RASSF1: variants seen among roughly 807,000 people sequenced by gnomAD.
RASSF1 encodes the protein ras association domain-containing protein 1.
Under a neutral mutation model 34.3 loss-of-function variants are expected in RASSF1, and 33 were observed. The observed-to-expected ratio is 0.96, with a 90% CI of 0.73 to 1.29. The LOEUF (loss-of-function observed/expected upper bound fraction) is 1.29. Ranked by LOEUF, RASSF1 falls within the 50% of genes most tolerant of loss-of-function variation. RASSF1 has a pLI of 0.00. For synonymous variants in RASSF1, 191 were observed against 195.0 expected (o/e 0.98, Z 0.17); for missense variants, 445 against 471.8 (o/e 0.94, Z 0.53).
At chr3:50,337,154 G>C (rs1290255407) in intron 2 of RASSF1, 2 of 1,595,700 alleles carry the variant, frequency 1.3e-6, no homozygotes, top group African/African-American at 1.3e-5. Context: ...CCCGCCCGCC[G>C]GCACCCCCTG....
intron 2 of RASSF1, chr3:50,337,557 C>T: frequency 6.9e-7 from 1 of 1,449,212 alleles, no homozygotes; most frequent in Non-Finnish European, 9.3e-7. Flanking sequence ...TCCGGAGCTC[C>T]ACTCACAGAC....
rs758727705 is a variant in RASSF1 at position 50,331,719 on chromosome 3, G to A, written c.600C>T (p.Arg200=). The part of the protein sequence containing the change: ...RGPGRGTSVR[R]RTSFYLPKDA... ...CCTTGGGCAGGTAAAAGGAAGTGCG[G>A]CGCCTGACACTTGTGCCCCGTCCTG... Residue 200 remains arginine (R), a synonymous_variant, in exon 4 of 6, where the codon CGC becomes CGT. Transcript: ENST00000359365. The A allele has an allele frequency of 6.2e-6, 10 of 1,613,056 alleles. No homozygotes were observed. Among genetic ancestry groups the A allele is most frequent in the Non-Finnish European group, 5.9e-6 (7 of 1,179,474 alleles).
At position 50,330,518 on chromosome 3, in the gene RASSF1, ACACT is replaced by A. The variant is rs1702895071; in HGVS notation, c.*59_*62del. On this transcript the variant is annotated 3_prime_UTR_variant, in exon 6 of 6. Transcript: ENST00000359365. The surrounding 1 kb of genome is among the most constrained non-coding windows in gnomAD (Gnocchi z 4.5). ...TTCCACAGGCCCCACTGGCCCTGTC[ACACT>A]CACACGGCACGCACTTGGCGCTGCC... is the stretch of plus-strand genomic sequence containing the variant. The A allele has an allele frequency of 1.9e-6, 3 of 1,592,002 alleles. No individual in the cohort carries two copies. The highest frequency in any genetic ancestry group is 2.6e-6 in the Non-Finnish European group (3 of 1,164,654).
intron 1 of RASSF1, 161 bp from the exon 2 acceptor site, chr3:50,338,172 G>A: frequency 7.1e-7 from 1 of 1,412,554 alleles, no homozygotes; most frequent in South Asian, 1.5e-5. Flanking sequence ...TCTAATGTTG[G>A]CCACCTGGGC....
rs1703326957 is a variant in RASSF1 at position 50,340,547 on chromosome 3, A to G, written c.250+9T>C. 2 of 1,497,916 alleles carry G rather than the reference A, an allele frequency of 1.3e-6. No individual in the cohort carries two copies. Among genetic ancestry groups the G allele is most frequent in the Non-Finnish European group, 1.8e-6 (2 of 1,132,914 alleles). The allele number at this position is 1,497,916 out of a possible 1,614,324, so 92.8% of individuals were successfully genotyped here. The stretch of plus-strand genomic sequence containing the variant: ...TCCGCTCTCGTAGGCGCGCGGGGCC[A>G]CTACTCACGCGCGCACTGCAGGCCT... On this transcript the variant is annotated intron_variant, in intron 1 of 5. Transcript: ENST00000359365.
At position 50,331,629 on chromosome 3, in the gene RASSF1, C is replaced by T. The variant is rs908616632; in HGVS notation, c.690G>A (p.Leu230=). Residue 230 remains leucine (L), a synonymous_variant, in exon 4 of 6, where the codon CTG becomes CTA. Coordinates refer to ENST00000359365, the MANE Select transcript of RASSF1 (RefSeq NM_007182.5). The part of the protein sequence containing the change: ...TRAREVIEAL[L]RKFLVVDDPR... ...GGTCATCCACCACCAAGAACTTTCG[C>T]AGCAGGGCCTCAATGACTTCACGTG... The T allele has an allele frequency of 5.0e-6, 8 of 1,606,328 alleles. No individual in the cohort carries two copies. Among genetic ancestry groups the T allele is most frequent in the Non-Finnish European group, 6.0e-6 (7 of 1,173,570 alleles).
rs773729365 is a variant in RASSF1 at position 50,331,362 on chromosome 3, A to T, written c.848T>A (p.Leu283Gln). 3.7e-6 allele frequency: 6 copies of T among 1,601,652 alleles called. No homozygotes were observed. The highest frequency in any genetic ancestry group is 5.1e-6 in the Non-Finnish European group (6 of 1,172,846). The change falls in exon 5 of 6, where the codon CTG becomes CAG. Residue 283 changes from leucine to glutamine, a missense_variant. Transcript: ENST00000359365. ...GPSDKALSFV[L>Q]KENDSGEVNW... The stretch of plus-strand genomic sequence containing the variant: ...CACCTCCCCAGAGTCATTTTCCTTC[A>T]GGACAAAGCTCAGGGCCTTGTCACT...
chr3:50,338,160 A>T, intron 1 of RASSF1, 149 bp from the exon 2 acceptor site: 1 of 1,424,568 alleles, frequency 7.0e-7, no homozygotes, highest in East Asian at 2.6e-5. Flanking sequence ...TGCTACGCGG[A>T]CTCTAATGTT....
chr3:50,332,225 G>A, intron 2 of RASSF1, 71 bp from the exon 3 acceptor site: 1 of 1,371,928 alleles, frequency 7.3e-7, no homozygotes, highest in Non-Finnish European at 1.0e-6. Flanking sequence ...TGGCCTCTGG[G>A]GCAGTCTTTG....
intron 2 of RASSF1, chr3:50,337,699 G>C (rs1366533513): frequency 1.2e-6 from 1 of 840,358 alleles, no homozygotes; most frequent in East Asian, 2.8e-5. Context: ...CCTGGGCCCG[G>C]GTCCGCTTGC....
intron 2 of RASSF1, chr3:50,337,574 T>G: frequency 7.4e-7 from 1 of 1,359,350 alleles, no homozygotes; most frequent in African/African-American, 1.4e-5. Context: ...AGACCCCACC[T>G]ACCACAGGGA....
chr3:50,333,796 G>A (rs993950349), intron 2 of RASSF1, among the ~76,000 whole-genome samples: 10 of 152,022 alleles, frequency 6.6e-5, no homozygotes, highest in African/African-American at 1.9e-4. Flanking sequence ...TTTTTAACTC[G>A]ACCACTCACT....
In RASSF1 at chr3:50,331,746, GC is replaced by G; in HGVS notation, c.572del (p.Gly191AlafsTer89). 1 of 1,611,050 alleles carries G rather than the reference GC, an allele frequency of 6.2e-7. No individual in the cohort carries two copies. Among genetic ancestry groups the G allele is most frequent in the Non-Finnish European group, 8.5e-7 (1 of 1,177,744 alleles). On this transcript the variant is annotated frameshift_variant, in exon 4 of 6. Transcript: ENST00000359365. LOFTEE classifies it high-confidence loss of function. ...KPPSLQDARR[G>X]PGRGTSVRRR... ...GCCTGACACTTGTGCCCCGTCCTGG[GC>G]CCCGCCGGGCATCCTGCAAGGAGGG...
In RASSF1 at chr3:50,340,577, G is replaced by T; in HGVS notation, c.229C>A (p.Arg77Ser). The change falls in exon 1 of 6, where the codon CGC becomes AGC. Residue 77 changes from arginine (R) to serine (S), a missense_variant. Physicochemically the swap from Arg to Ser is moderately radical, Grantham distance 110. Coordinates refer to ENST00000359365, the MANE Select transcript of RASSF1 (RefSeq NM_007182.5). ...TCACGCGCGCACTGCAGGCCTTTGCGCACGACGCCCCAGATGAAGTCGCCA... is the reference window on the plus strand; with the variant it reads ...TCACGCGCGCACTGCAGGCCTTTGCTCACGACGCCCCAGATGAAGTCGCCA... ...LCGDFIWGVV[R>S]KGLQCAHCKF... 1 of 1,544,810 alleles carries T rather than the reference G, an allele frequency of 6.5e-7. No individual in the cohort carries two copies. The highest frequency in any genetic ancestry group is 2.6e-5 in the East Asian group (1 of 38,390).
At chr3:50,337,434 C>T (rs1703191564) in intron 2 of RASSF1, 1 of 1,578,298 alleles carries the variant, frequency 6.3e-7, no homozygotes, top group East Asian at 2.3e-5. Context: ...CAGAGCCGCG[C>T]CGCAACCGTT....
chr3:50,332,341 G>T (rs954235108), intron 2 of RASSF1, among the ~76,000 whole-genome samples, 187 bp from the exon 3 acceptor site: 5 of 152,330 alleles, frequency 3.3e-5, no homozygotes, highest in Middle Eastern at 3.4e-3. Flanking sequence ...GGTGGATAAG[G>T]GAAAGACAGA....
At position 50,340,679 on chromosome 3, in the gene RASSF1, T is replaced by G; in HGVS notation, c.127A>C (p.Thr43Pro). 6.5e-7 allele frequency: 1 copy of G among 1,535,012 alleles called. No individual in the cohort carries two copies. Among genetic ancestry groups the G allele is most frequent in the Non-Finnish European group, 8.7e-7 (1 of 1,151,184 alleles). ...CCACGGCCAGGGACCAGCTGCCGTG[T>G]GGGGTTGCACGCGGTGCCCCGCGCG... ...RIARGTACNP[T>P]RQLVPGRGHR... Residue 43 changes from threonine to proline, a missense_variant, in exon 1 of 6, where the codon ACA becomes CCA. Transcript: ENST00000359365.
Position 50,334,846 on chromosome 3 carries a change from GA to G in RASSF1, c.358-2693del, listed in dbSNP as rs1175602314. On this transcript the variant is annotated intron_variant, in intron 2 of 5. Transcript: ENST00000359365. ...TTTCTGTTTCCAAAGCTGCCTGCTGGAAGAGGATTTCAACAGCCATCCCAGT... is the reference window on the plus strand; with the variant it reads ...TTTCTGTTTCCAAAGCTGCCTGCTGGAGAGGATTTCAACAGCCATCCCAGT... 3.3e-5 allele frequency among the ~76,000 whole-genome samples: 5 copies of G among 152,290 alleles called. 1 individual carries two copies. In the South Asian group the frequency reaches 6.2e-4, roughly 19 times the overall value.
intron 2 of RASSF1, chr3:50,337,657 C>A: frequency 1.1e-6 from 1 of 907,518 alleles, no homozygotes. Flanking sequence ...CGGGAAGGTG[C>A]GGGAAGTGCG....
Sources: allele counts gnomAD v4.1 joint callset (sites outside exome capture counted in the v4.1 genomes callset), GRCh38; gene constraint gnomAD v4.1.1; non-coding constraint Gnocchi (gnomAD v3.1); transcripts MANE v1.5; gene names NCBI Gene and HGNC (gene_info 2026-07-23, HGNC 2026-07-21).